ACYP2: variants seen among roughly 807,000 people sequenced by gnomAD.
ACYP2 encodes acylphosphatase-2.
ACYP2 carries 12 observed loss-of-function variants against 11.2 expected under a neutral mutation model. The observed-to-expected ratio is 1.08, with a 90% confidence interval of 0.69 to 1.74. The LOEUF is 1.74. ACYP2 is among the 40% of genes most tolerant of loss of function. The pLI, the probability that ACYP2 is intolerant of heterozygous loss-of-function variation, is 0.00. For synonymous variants in ACYP2, 43 were observed against 32.2 expected (o/e 1.33, Z -1.13); for missense variants, 134 against 101.9 (o/e 1.31, Z -1.35).
At chr2:54,074,630 TAGAC>T (rs766434727) in intron 4 of ACYP2, among the ~76,000 whole-genome samples, 13 of 148,482 alleles carry the variant, frequency 8.8e-5, no homozygotes, top group Admixed American at 2.0e-4. Context: ...GTAACTGTAT[TAGAC>T]AGGATTCTCC....
chr2:54,057,585 G>C (rs376470492), intron 4 of ACYP2, among the ~76,000 whole-genome samples: 2 of 152,132 alleles, frequency 1.3e-5, no homozygotes, highest in Admixed American at 6.5e-5. Flanking sequence ...AGACTGTTCT[G>C]TCTACCAGAG....
chr2:54,254,150 G>A (rs1033097384), intron 6 of ACYP2: 1 of 152,242 alleles, frequency 6.6e-6, no homozygotes, highest in East Asian at 1.9e-4. Context: ...GGTCTGACAT[G>A]TCCCCTCAAC....
chr2:54,248,373 C>A (rs1163739522), intron 6 of ACYP2, among the ~76,000 whole-genome samples: 1 of 152,184 alleles, frequency 6.6e-6, no homozygotes, highest in Non-Finnish European at 1.5e-5. Flanking sequence ...TCCTACTCTA[C>A]ACATTTAGAA....
intron 6 of ACYP2, among the ~76,000 whole-genome samples, chr2:54,234,931 C>A (rs1452964736): frequency 1.3e-5 from 2 of 152,190 alleles, no homozygotes; most frequent in Non-Finnish European, 2.9e-5. Flanking sequence ...TCTTTTCAAA[C>A]TGATGTCTTA....
intron 3 of ACYP2, among the ~76,000 whole-genome samples, chr2:54,056,061 G>A (rs182363979): frequency 5.3e-5 from 8 of 152,308 alleles, no homozygotes; most frequent in African/African-American, 1.9e-4. Context: ...TCAAAATGCT[G>A]CTTTTTCTGG....
intron 6 of ACYP2, among the ~76,000 whole-genome samples, chr2:54,215,232 C>G (rs968082235): frequency 8.5e-5 from 13 of 152,078 alleles, no homozygotes; most frequent in African/African-American, 3.1e-4. Context: ...GTTTGGAATC[C>G]TTTTATTTCT....
At chr2:54,191,167 T>C (rs1684222619) in intron 6 of ACYP2, among the ~76,000 whole-genome samples, 1 of 152,088 alleles carries the variant, frequency 6.6e-6, no homozygotes. Flanking sequence ...CAGTCTTTTC[T>C]CTGCACAACA....
intron 3 of ACYP2, among the ~76,000 whole-genome samples, chr2:54,052,260 T>C (rs905376468): frequency 6.6e-6 from 1 of 152,108 alleles, no homozygotes; most frequent in African/African-American, 2.4e-5. Context: ...TAAGTCTGTG[T>C]AAGATTTATT....
At chr2:54,171,921 T>G (rs10496029) in intron 6 of ACYP2, among the ~76,000 whole-genome samples, 28,250 of 152,118 alleles carry the variant, frequency 0.19, 2,771 homozygotes, top group East Asian at 0.42. Flanking sequence ...TTTTAAAAAT[T>G]GATATTCTTG....
At chr2:54,092,656 C>A (rs1678297756) in intron 4 of ACYP2, among the ~76,000 whole-genome samples, 1 of 152,164 alleles carries the variant, frequency 6.6e-6, no homozygotes, top group Admixed American at 6.5e-5. Context: ...AAGACTGTAA[C>A]TTGGCCCCCT....
intron 6 of ACYP2, among the ~76,000 whole-genome samples, chr2:54,203,323 C>T (rs1216047761): frequency 6.6e-6 from 1 of 152,192 alleles, no homozygotes; most frequent in African/African-American, 2.4e-5. Flanking sequence ...CTGCACCCTG[C>T]ATACTTGTTG....
rs979224612 is a variant in ACYP2 at position 54,100,337 on chromosome 2, C to T, written c.278-35116C>T. ...TTTTTTTTTGAGACAAAGTCTTGCTCTGTTGCCTAGGCTGAAGTGGAGTGG... is the reference window on the plus strand; with the variant it reads ...TTTTTTTTTGAGACAAAGTCTTGCTTTGTTGCCTAGGCTGAAGTGGAGTGG... On this transcript the variant is annotated intron_variant, in intron 4 of 6. Transcript: ENST00000607452. Among the ~76,000 whole-genome samples, 5 of 140,296 alleles carry T rather than the reference C, an allele frequency of 3.6e-5. No homozygotes were observed. The South Asian group carries it at 6.6e-4, about 19-fold the overall frequency. 92.0% of individuals were successfully genotyped at this position (140,296 alleles called of 152,430 possible). A position where few individuals can be genotyped will look rare whatever the true frequency, so the allele number is the denominator to read the frequency against.
chr2:54,025,535 T>G (rs140324864), intron 2 of ACYP2, among the ~76,000 whole-genome samples: 52 of 152,230 alleles, frequency 3.4e-4, no homozygotes, highest in African/African-American at 1.3e-3. Flanking sequence ...TGTAAAACAA[T>G]GAAACTGGAT....
chr2:54,074,363 C>G (rs1677214764), intron 4 of ACYP2, among the ~76,000 whole-genome samples: 1 of 151,830 alleles, frequency 6.6e-6, no homozygotes, highest in Non-Finnish European at 1.5e-5. Flanking sequence ...AAATAAATAC[C>G]AAGGTGGGAG....
intron 2 of ACYP2, among the ~76,000 whole-genome samples, chr2:54,031,837 T>A (rs1286909983): frequency 1.3e-5 from 2 of 152,190 alleles, no homozygotes; most frequent in East Asian, 3.9e-4. Flanking sequence ...GTGAGATGGT[T>A]TCTCACTGTG....
intron 4 of ACYP2, among the ~76,000 whole-genome samples, chr2:54,132,633 T>G (rs576797055): frequency 7.2e-5 from 11 of 152,208 alleles, no homozygotes; most frequent in African/African-American, 1.2e-4. Flanking sequence ...TCTTTGGAGA[T>G]TGATCCATCC....
intron 6 of ACYP2, among the ~76,000 whole-genome samples, chr2:54,163,941 T>A (rs1049719749): frequency 6.6e-6 from 1 of 152,182 alleles, no homozygotes; most frequent in African/African-American, 2.4e-5. Flanking sequence ...GAAATTTTTT[T>A]AAAAAGGATA....
At chr2:54,300,401 A>T (rs1689678080) in intron 6 of ACYP2, among the ~76,000 whole-genome samples, 1 of 152,228 alleles carries the variant, frequency 6.6e-6, no homozygotes, top group South Asian at 2.1e-4. Flanking sequence ...GAATTGCCTC[A>T]GCAGAAGAAA....
At chr2:53,972,778 A>G (rs1423854741) in intron 1 of ACYP2, among the ~76,000 whole-genome samples, 1 of 152,230 alleles carries the variant, frequency 6.6e-6, no homozygotes, top group Non-Finnish European at 1.5e-5. Context: ...AAAGTGAAAA[A>G]TTAAAAAGGA....
Sources: allele counts gnomAD v4.1 joint callset (sites outside exome capture counted in the v4.1 genomes callset), GRCh38; gene constraint gnomAD v4.1.1; transcripts MANE v1.5; gene names NCBI Gene and HGNC (gene_info 2026-07-23, HGNC 2026-07-21).